Variants in GRIK1 observed in about 807,000 individuals in gnomAD.
GRIK1 encodes glutamate receptor ionotropic, kainate 1.
GRIK1 carries 69 observed loss-of-function variants against 105.7 expected under a neutral mutation model. The ratio of observed to expected loss-of-function variants is 0.65; its 90% CI spans 0.54 to 0.80. The LOEUF is 0.80. Ranked by LOEUF, GRIK1 falls within the 30% of genes least tolerant of loss-of-function variation. GRIK1 has a pLI of 0.00. For synonymous variants in GRIK1, 438 were observed against 431.3 expected (o/e 1.02, Z -0.19); for missense variants, 1,109 against 1,167.3 (o/e 0.95, Z 0.73).
At chr21:29,615,915 C>T (rs1268667347) in intron 7 of GRIK1, among the ~76,000 whole-genome samples, 1 of 152,090 alleles carries the variant, frequency 6.6e-6, no homozygotes, top group African/African-American at 2.4e-5. Flanking sequence ...CAGTTTACCC[C>T]ACAGGGCTCC....
intron 7 of GRIK1, among the ~76,000 whole-genome samples, chr21:29,614,398 C>A: frequency 7.0e-6 from 1 of 141,918 alleles, no homozygotes; most frequent in Non-Finnish European, 1.5e-5. Flanking sequence ...AGAATAAAAT[C>A]CCTCTTTTTT....
At chr21:29,878,215 G>A (rs1186766985) in intron 1 of GRIK1, among the ~76,000 whole-genome samples, 1 of 152,120 alleles carries the variant, frequency 6.6e-6, no homozygotes, top group Non-Finnish European at 1.5e-5. Flanking sequence ...TGCTTGGTTT[G>A]TAGGTAGAAG....
chr21:29,857,096 A>G (rs1385939137), intron 1 of GRIK1, among the ~76,000 whole-genome samples: 1 of 152,212 alleles, frequency 6.6e-6, no homozygotes, highest in Non-Finnish European at 1.5e-5. Flanking sequence ...CCAAGGGGTT[A>G]TATGGATATA....
At chr21:29,720,311 T>C (rs188281665) in intron 1 of GRIK1, among the ~76,000 whole-genome samples, 2 of 152,350 alleles carry the variant, frequency 1.3e-5, no homozygotes, top group South Asian at 2.1e-4. Context: ...ACACATTTTC[T>C]TATTTACAAG....
intron 1 of GRIK1, among the ~76,000 whole-genome samples, chr21:29,769,239 A>G (rs1232699826): frequency 2.6e-5 from 4 of 152,168 alleles, no homozygotes. Flanking sequence ...GAATCAAATT[A>G]AAACGAGGTC....
intron 2 of GRIK1, among the ~76,000 whole-genome samples, chr21:29,693,561 T>C (rs1243329493): frequency 6.6e-6 from 1 of 152,202 alleles, no homozygotes; most frequent in Non-Finnish European, 1.5e-5. Flanking sequence ...CATAATGTTT[T>C]ATTTGACTGC....
chr21:29,729,590 A>C (rs1000705066), intron 1 of GRIK1, among the ~76,000 whole-genome samples: 1 of 152,210 alleles, frequency 6.6e-6, no homozygotes, highest in African/African-American at 2.4e-5. Flanking sequence ...GGAAATAAAT[A>C]GGCAACAGAA....
chr21:29,663,089 A>G (rs1434623908), intron 4 of GRIK1, among the ~76,000 whole-genome samples: 2 of 152,210 alleles, frequency 1.3e-5, no homozygotes. Flanking sequence ...AGGAAGTGTT[A>G]TTCCTAATTT....
At chr21:29,676,766 A>G (rs888016660) in intron 3 of GRIK1, among the ~76,000 whole-genome samples, 21 of 152,192 alleles carry the variant, frequency 1.4e-4, no homozygotes, top group Non-Finnish European at 2.6e-4. Context: ...TTCAACAATA[A>G]AACTGACCTG....
intron 7 of GRIK1, among the ~76,000 whole-genome samples, chr21:29,635,754 G>T (rs924749333): frequency 6.6e-6 from 1 of 152,152 alleles, no homozygotes; most frequent in East Asian, 1.9e-4. Context: ...TACTTTGTGG[G>T]AATGTCCTGG....
intron 1 of GRIK1, among the ~76,000 whole-genome samples, chr21:29,933,529 T>C (rs1602086040): frequency 2.0e-5 from 3 of 152,298 alleles, no homozygotes; most frequent in South Asian, 2.1e-4. Flanking sequence ...ACGTGCCTCA[T>C]GAATCTTCAA....
chr21:29,700,477 G>A (rs1264960490), intron 1 of GRIK1, among the ~76,000 whole-genome samples: 4 of 152,136 alleles, frequency 2.6e-5, no homozygotes, highest in East Asian at 1.9e-4. Flanking sequence ...GTAAACCCAC[G>A]GCAATGGCTT....
At chr21:29,884,283 A>G (rs2069527280) in intron 1 of GRIK1, among the ~76,000 whole-genome samples, 1 of 152,072 alleles carries the variant, frequency 6.6e-6, no homozygotes, top group South Asian at 2.1e-4. Context: ...ACATTTGTCC[A>G]TTATAAATCC....
intron 1 of GRIK1, among the ~76,000 whole-genome samples, chr21:29,904,359 T>A (rs1029476962): frequency 3.3e-5 from 5 of 152,196 alleles, no homozygotes; most frequent in Middle Eastern, 3.4e-3. Context: ...TGTTTTTTTT[T>A]AAAACTGAAA....
At chr21:29,904,541 T>C (rs2070534663) in intron 1 of GRIK1, among the ~76,000 whole-genome samples, 1 of 152,106 alleles carries the variant, frequency 6.6e-6, no homozygotes. Flanking sequence ...TGCAGGGTGT[T>C]CTCTGACTGT....
chr21:29,594,732 G>GA (rs2061379872), intron 9 of GRIK1, among the ~76,000 whole-genome samples: 2 of 152,172 alleles, frequency 1.3e-5, no homozygotes, highest in African/African-American at 4.8e-5. Context: ...CCTAGACAGT[G>GA]ATTCATGTAA....
rs1310052164 is a variant in GRIK1, at chr21:29,939,994, A to G, written c.-494T>C. On this transcript the variant is annotated 5_prime_UTR_variant, in exon 1 of 18. Coordinates refer to ENST00000327783, the MANE Select transcript of GRIK1 (RefSeq NM_001330994.2). ...AAGCCTGATGAGCTCCAGCAGGTTA[A>G]CTGGGAGCGGAGCCACGTTCCGGCT... is the stretch of plus-strand genomic sequence containing the variant. The G allele has an allele frequency of 6.6e-6, 1 of 152,562 alleles. No individual in the cohort carries two copies. Among genetic ancestry groups the G allele is most frequent in the Non-Finnish European group, 1.5e-5 (1 of 68,394 alleles). The allele number at this position is 152,562 out of a possible 1,614,324, so 9.5% of individuals were successfully genotyped here.
intron 1 of GRIK1, among the ~76,000 whole-genome samples, chr21:29,897,854 A>G (rs185318501): frequency 6.6e-6 from 1 of 152,374 alleles, no homozygotes; most frequent in Non-Finnish European, 1.5e-5. Context: ...CCAAGTATAT[A>G]AAACAAGACT....
chr21:29,858,851 A>T (rs560456087), intron 1 of GRIK1, among the ~76,000 whole-genome samples: 6 of 151,796 alleles, frequency 4.0e-5, no homozygotes, highest in Admixed American at 2.6e-4. Context: ...GGCCAAACAC[A>T]CAACTTCTTT....
Sources: gnomAD v4.1 joint callset for allele counts (sites outside exome capture counted in the v4.1 genomes callset) on GRCh38, gnomAD v4.1.1 for gene constraint, MANE v1.5 for transcripts, NCBI Gene and HGNC (gene_info 2026-07-23, HGNC 2026-07-21) for gene names.